Variants in SACS observed in about 807,000 individuals in gnomAD.
The protein encoded by SACS is sacsin.
A neutral mutation model predicts 348.0 loss-of-function variants in SACS; 197 were observed. That is an observed-to-expected ratio of 0.57 (90% confidence interval 0.50 to 0.64). The LOEUF (loss-of-function observed/expected upper bound fraction) is 0.64, where lower values mean the gene tolerates loss of function less well. SACS is among the 30% of genes least tolerant of loss of function. The pLI is 0.00. For missense variants in SACS, 4,999 were observed against 5,360.8 expected (o/e 0.93, Z 2.11); for synonymous variants, 1,985 against 1,910.6 (o/e 1.04, Z -1.02).
rs973799147 is a variant in SACS, at chr13:23,330,211, C to G, written c.13665G>C (p.Glu4555Asp). The G allele has an allele frequency of 6.2e-7, 1 of 1,614,110 alleles. No homozygotes were observed. Among genetic ancestry groups the G allele is most frequent in the African/African-American group, 1.3e-5 (1 of 75,038 alleles). ...PQIPNDRFTS[E>D]VAMRVMECTA... ...TACATTCCATCACCCTCATAGCAAC[C>G]TCAGAAGTGAACCTGTCATTTGGGA... The change falls in exon 10 of 10, where the codon GAG becomes GAC. Residue 4555 changes from glutamate (E) to aspartate (D), a missense_variant. By Grantham distance (45) the Glu-to-Asp change is conservative. Transcript: ENST00000382292.
intron 1 of SACS, among the ~76,000 whole-genome samples, chr13:23,419,824 G>A (rs1163909415): frequency 1.3e-5 from 2 of 152,150 alleles, no homozygotes; most frequent in South Asian, 2.1e-4. Context: ...ATATTCTTTG[G>A]GGAGGTGATT....
chr13:23,415,097 T>G (rs1873646514), intron 1 of SACS, among the ~76,000 whole-genome samples: 1 of 152,206 alleles, frequency 6.6e-6, no homozygotes, highest in Non-Finnish European at 1.5e-5. Flanking sequence ...AGTGGCACTA[T>G]CTTGGCTCAC....
Position 23,333,996 on chromosome 13 carries a change from C to A in SACS, c.9880G>T (p.Val3294Leu). Residue 3294 changes from valine (V) to leucine (L), a missense_variant, in exon 10 of 10, where the codon GTG (valine) becomes TTG (leucine). Physicochemically the swap from Val to Leu is conservative, Grantham distance 32 (BLOSUM62 1). Around this residue, in one of 6 missense-constraint regions of SACS, gnomAD observed 734 missense variants for 694.0 expected, o/e 1.06. Coordinates refer to ENST00000382292, the MANE Select transcript of SACS (RefSeq NM_014363.6). The part of the protein sequence containing the change: ...TKFTVSANQL[V>L]VPEGDVLLPL... ...AGCAGAACATCTCCTTCAGGAACCA[C>A]AAGCTGGTTGGCTGAAACAGTAAAC... 1.2e-6 allele frequency: 2 copies of A among 1,613,902 alleles called. No homozygotes were observed. The highest frequency in any genetic ancestry group is 8.5e-7 in the Non-Finnish European group (1 of 1,179,842).
chr13:23,360,333 G>C (rs1445232884), intron 6 of SACS, among the ~76,000 whole-genome samples: 1 of 151,080 alleles, frequency 6.6e-6, no homozygotes, highest in Non-Finnish European at 1.5e-5. Context: ...AACTTAAAAT[G>C]GCTTCTAACA....
chr13:23,346,728 A>G, intron 9 of SACS: 1 of 549,150 alleles, frequency 1.8e-6, no homozygotes, highest in Non-Finnish European at 2.3e-6. Context: ...CTAGCTACTT[A>G]GGTAAATGCA....
intron 6 of SACS, among the ~76,000 whole-genome samples, chr13:23,364,374 G>C (rs749673173): frequency 1.3e-5 from 2 of 152,102 alleles, no homozygotes; most frequent in East Asian, 3.8e-4. Context: ...TCCGCCTCCC[G>C]AGTTCAAGCG....
chr13:23,380,564 G>GT (rs1262991780), intron 2 of SACS, among the ~76,000 whole-genome samples: 1 of 152,136 alleles, frequency 6.6e-6, no homozygotes, highest in Non-Finnish European at 1.5e-5. Context: ...GCTGTCACTA[G>GT]TTGAGCACTT....
chr13:23,337,172 T>C lies in SACS; in HGVS notation c.6704A>G (p.Lys2235Arg). The C allele has an allele frequency of 6.2e-7, 1 of 1,614,028 alleles. No homozygotes were observed. Among genetic ancestry groups the C allele is most frequent in the South Asian group, 1.1e-5 (1 of 91,074 alleles). The change falls in exon 10 of 10, where the codon AAG (lysine) becomes AGG (arginine). Residue 2235 changes from lysine (K) to arginine (R), a missense_variant. Lys to Arg is a conservative substitution (Grantham distance 26). Coordinates refer to ENST00000382292, the MANE Select transcript of SACS (RefSeq NM_014363.6). ...AGTTGCTGCAAACATGGTTTCAGGC[T>C]TAAAACTGTTGCCTTTCCAGTCCAA... ...FSLDWKGNSF[K>R]PETMFAATDL...
At chr13:23,408,150 C>G (rs147106630) in intron 2 of SACS, among the ~76,000 whole-genome samples, 59 of 152,176 alleles carry the variant, frequency 3.9e-4, no homozygotes, top group African/African-American at 1.1e-3. Context: ...CTTCAGTTGT[C>G]ACATTCATCA....
At position 23,338,234 on chromosome 13, in the gene SACS, C is replaced by T. The variant is rs1211272648; in HGVS notation, c.5642G>A (p.Gly1881Asp). ...GCACCCATTGATATGAACTGGCAAG[C>T]CTGTTTTTATTCGTAAAGGTAAATA... ...FCYLPLRIKT[G>D]LPVHINGCFA... is the part of the protein sequence containing the mutation. Residue 1881 changes from glycine (G) to aspartate (D), a missense_variant, in exon 10 of 10, where the codon GGC (glycine) becomes GAC (aspartate). By Grantham distance (94) the Gly-to-Asp change is moderately conservative (BLOSUM62 -1). Around this residue, in one of 6 missense-constraint regions of SACS, gnomAD observed 3,156 missense variants for 3,380.1 expected, o/e 0.93. Coordinates refer to ENST00000382292, the MANE Select transcript of SACS (RefSeq NM_014363.6). 1 of 1,614,116 alleles carries T rather than the reference C, an allele frequency of 6.2e-7. No homozygotes were observed. Among genetic ancestry groups the T allele is most frequent in the Non-Finnish European group, 8.5e-7 (1 of 1,180,014 alleles).
rs775321719 is a variant in SACS at position 23,339,271 on chromosome 13, A to C, written c.4605T>G (p.Phe1535Leu). The C allele has an allele frequency of 6.2e-7, 1 of 1,603,284 alleles. No individual in the cohort carries two copies. Among genetic ancestry groups the C allele is most frequent in the East Asian group, 2.2e-5 (1 of 44,792 alleles). Residue 1535 changes from phenylalanine to leucine, a missense_variant, in exon 10 of 10, where the codon TTT becomes TTG. By Grantham distance (22) the Phe-to-Leu change is conservative (BLOSUM62 0). Around this residue, in one of 6 missense-constraint regions of SACS, gnomAD observed 3,156 missense variants for 3,380.1 expected, o/e 0.93. Coordinates refer to ENST00000382292, the MANE Select transcript of SACS (RefSeq NM_014363.6). Reference protein sequence around the residue: ...FNNSQFSDSDFVNITRLGESL... With the variant: ...FNNSQFSDSDLVNITRLGESL... ...ATTCTCCTAACCTAGTTATGTTCACAAAATCTGAATCTGAGAATTGAGAAT... is the reference window on the plus strand; with the variant it reads ...ATTCTCCTAACCTAGTTATGTTCACCAAATCTGAATCTGAGAATTGAGAAT...
At chr13:23,377,011 A>G (rs1394843299) in intron 2 of SACS, among the ~76,000 whole-genome samples, 1 of 152,252 alleles carries the variant, frequency 6.6e-6, no homozygotes, top group Non-Finnish European at 1.5e-5. Context: ...TGACCCTTGC[A>G]GACATTCTGC....
intron 9 of SACS, among the ~76,000 whole-genome samples, chr13:23,345,294 T>C (rs1347144839): frequency 2.6e-5 from 4 of 151,746 alleles, no homozygotes; most frequent in African/African-American, 7.3e-5. Flanking sequence ...GAAGAGAGAA[T>C]AGAAAAAAAG....
intron 2 of SACS, among the ~76,000 whole-genome samples, chr13:23,406,613 T>A (rs1257005635): frequency 2.6e-5 from 4 of 152,216 alleles, no homozygotes; most frequent in African/African-American, 9.6e-5. Context: ...TCTCTTACCA[T>A]GAATTCGTAT....
At chr13:23,346,668 CTTTAATATTATAGTTAT>C (rs957693655) in intron 9 of SACS, 3 of 168,942 alleles carry the variant, frequency 1.8e-5, no homozygotes, top group African/African-American at 7.2e-5. Context: ...TTCCTCTCTC[CTTTAATATTATAGTTAT>C]TACCACCAGA....
At chr13:23,376,776 G>C (rs1237802653) in intron 2 of SACS, among the ~76,000 whole-genome samples, 1 of 152,194 alleles carries the variant, frequency 6.6e-6, no homozygotes, top group Non-Finnish European at 1.5e-5. Flanking sequence ...TCTTGGCTGG[G>C]TGCAGTGACT....
chr13:23,389,903 T>C (rs1872462045), intron 2 of SACS, among the ~76,000 whole-genome samples: 1 of 152,218 alleles, frequency 6.6e-6, no homozygotes, highest in African/African-American at 2.4e-5. Context: ...TGTCAAGTTA[T>C]TTGGCTGCAT....
chr13:23,426,004 C>T (rs1389482178), intron 1 of SACS, among the ~76,000 whole-genome samples: 2 of 152,162 alleles, frequency 1.3e-5, no homozygotes, highest in African/African-American at 4.8e-5. Flanking sequence ...TTATTTCAGT[C>T]TCATAACAGC....
chr13:23,411,346 G>T lies in SACS; in HGVS notation c.-107C>A. 9.8e-7 allele frequency: 1 copy of T among 1,017,680 alleles called. No individual in the cohort carries two copies. The allele number at this position is 1,017,680 out of a possible 1,614,324, so 63.0% of individuals were successfully genotyped here. A position where few individuals can be genotyped will look rare whatever the true frequency, so the allele number is the denominator to read the frequency against. On this transcript the variant is annotated 5_prime_UTR_variant, in exon 2 of 10. It adds an upstream start codon to the 5' untranslated region. Transcript: ENST00000382292. Reference sequence around the variant, plus strand: ...CCTTTAAATGTGTACTCCAAGTTCAGCTCTTCCTGCCAGGTGGAAAAAAAG... The same window carrying T: ...CCTTTAAATGTGTACTCCAAGTTCATCTCTTCCTGCCAGGTGGAAAAAAAG...
Sources: gnomAD v4.1 joint callset for allele counts (sites outside exome capture counted in the v4.1 genomes callset) on GRCh38, gnomAD v4.1.1 for gene constraint, gnomAD v4.1.1 regional missense constraint, MANE v1.5 for transcripts, NCBI Gene and HGNC (gene_info 2026-07-23, HGNC 2026-07-21) for gene names.